Variants in DLEU7 observed in about 807,000 individuals in gnomAD.
DLEU7 encodes the protein leukemia-associated protein 7.
Under a neutral mutation model 16.0 loss-of-function variants are expected in DLEU7, and 17 were observed. That is an observed-to-expected ratio of 1.06 (90% CI 0.73 to 1.59). The LOEUF is 1.59. Among genes scored for constraint, DLEU7 ranks in the 40% most tolerant of loss-of-function variants. DLEU7 has a pLI of 0.00. For synonymous variants in DLEU7, 113 were observed against 139.8 expected (o/e 0.81, Z 1.35); for missense variants, 308 against 314.9 (o/e 0.98, Z 0.17).
At chr13:50,784,211 A>T (rs1342954734) in intron 1 of DLEU7, among the ~76,000 whole-genome samples, 1 of 152,240 alleles carries the variant, frequency 6.6e-6, no homozygotes, top group African/African-American at 2.4e-5. Context: ...TGGTGCAATC[A>T]TGAATTCACT....
At chr13:50,823,810 T>C (rs1876996448) in intron 1 of DLEU7, among the ~76,000 whole-genome samples, 1 of 152,192 alleles carries the variant, frequency 6.6e-6, no homozygotes, top group Non-Finnish European at 1.5e-5. Context: ...CTAAAGAGGA[T>C]CTGCTATCCT....
intron 1 of DLEU7, among the ~76,000 whole-genome samples, chr13:50,833,304 A>G (rs1396414970): frequency 2.0e-5 from 3 of 152,204 alleles, no homozygotes; most frequent in African/African-American, 4.8e-5. Flanking sequence ...AAACCCCATC[A>G]TCTCAGCCCA....
intron 1 of DLEU7, among the ~76,000 whole-genome samples, chr13:50,833,450 AG>A (rs1412762935): frequency 9.9e-5 from 15 of 152,250 alleles, no homozygotes; most frequent in African/African-American, 3.6e-4. Context: ...ATTGCAACAA[AG>A]AGAATAAAAT....
At chr13:50,765,582 A>G (rs1875078588) in intron 1 of DLEU7, among the ~76,000 whole-genome samples, 1 of 152,170 alleles carries the variant, frequency 6.6e-6, no homozygotes, top group African/African-American at 2.4e-5. Flanking sequence ...AAAGACAGAA[A>G]GGGCAAAGAA....
At chr13:50,713,101 G>T in exon 2 of DLEU7, 1 of 1,235,822 alleles carries the variant, frequency 8.1e-7, no homozygotes, top group Non-Finnish European at 1.2e-6. Flanking sequence ...GGCCAACAAC[G>T]TGGTAATAAG....
At chr13:50,803,571 G>A (rs1449640074) in intron 1 of DLEU7, among the ~76,000 whole-genome samples, 1 of 151,302 alleles carries the variant, frequency 6.6e-6, no homozygotes. Flanking sequence ...CAGATTTCTT[G>A]GAACAAAAAG....
chr13:50,735,664 GA>G (rs1345011612), intron 1 of DLEU7, among the ~76,000 whole-genome samples: 2 of 151,554 alleles, frequency 1.3e-5, no homozygotes, highest in African/African-American at 4.8e-5. Flanking sequence ...ACATTTACAA[GA>G]AAAAAACAAC....
intron 1 of DLEU7, among the ~76,000 whole-genome samples, chr13:50,759,465 A>G (rs905472304): frequency 2.0e-5 from 3 of 152,198 alleles, no homozygotes; most frequent in South Asian, 4.1e-4. Flanking sequence ...AAGACTTCAG[A>G]GGTCTATAGT....
chr13:50,823,506 A>C lies in DLEU7; in HGVS notation c.474T>G (p.Phe158Leu). 1 of 1,535,802 alleles carries C rather than the reference A, an allele frequency of 6.5e-7. No individual in the cohort carries two copies. Among genetic ancestry groups the C allele is most frequent in the Non-Finnish European group, 8.7e-7 (1 of 1,146,646 alleles). The change falls in exon 2 of 2, where the codon TTT (phenylalanine) becomes TTG (leucine). Residue 158 changes from phenylalanine to leucine, a missense_variant. Transcript: ENST00000504404. ...FPIHLKDSVE[F>L]RNICSHLALQ... ...GAGCCAAATGACTGCAGATGTTTCTAAACTCAACACTATCCTGAAATGAAC... is the reference window on the plus strand; with the variant it reads ...GAGCCAAATGACTGCAGATGTTTCTCAACTCAACACTATCCTGAAATGAAC...
At chr13:50,734,766 G>A (rs1413817510) in intron 1 of DLEU7, among the ~76,000 whole-genome samples, 1 of 152,052 alleles carries the variant, frequency 6.6e-6, no homozygotes, top group Non-Finnish European at 1.5e-5. Context: ...AATCCTAGAA[G>A]AAAATAATAG....
chr13:50,780,857 T>A (rs1168137355), intron 1 of DLEU7, among the ~76,000 whole-genome samples: 1 of 152,112 alleles, frequency 6.6e-6, no homozygotes, highest in African/African-American at 2.4e-5. Flanking sequence ...TGGGAGTCAG[T>A]AAGTGTGATA....
At chr13:50,736,941 A>G (rs542076115) in intron 1 of DLEU7, among the ~76,000 whole-genome samples, 1 of 152,266 alleles carries the variant, frequency 6.6e-6, no homozygotes, top group East Asian at 1.9e-4. Context: ...AACTTACATA[A>G]TGTGAAATCT....
At chr13:50,760,929 T>A (rs1318396498) in intron 1 of DLEU7, among the ~76,000 whole-genome samples, 2 of 152,002 alleles carry the variant, frequency 1.3e-5, no homozygotes, top group Non-Finnish European at 2.9e-5. Flanking sequence ...TTTGGGGCAA[T>A]GAAAATTTGT....
intron 1 of DLEU7, among the ~76,000 whole-genome samples, chr13:50,767,449 C>A (rs1483927577): frequency 9.2e-6 from 1 of 109,236 alleles, no homozygotes; most frequent in African/African-American, 4.0e-5. Flanking sequence ...GAGCGAGACT[C>A]CGTCTCAAAA....
At chr13:50,818,963 C>A (rs773620739), downstream of DLEU7, among the ~76,000 whole-genome samples, 11 of 152,264 alleles carry the variant, frequency 7.2e-5, no homozygotes, top group South Asian at 8.3e-4. Context: ...ACATCTGTTA[C>A]CATCTAAGGT....
intron 1 of DLEU7, among the ~76,000 whole-genome samples, chr13:50,746,968 CACAT>C (rs202045833): frequency 0.012 from 1,875 of 152,078 alleles, 21 homozygotes; most frequent in African/African-American, 0.035. Flanking sequence ...CACACACACA[CACAT>C]GTATAGAGTG....
chr13:50,722,938 A>G (rs1281706225), intron 1 of DLEU7, among the ~76,000 whole-genome samples: 1 of 152,178 alleles, frequency 6.6e-6, no homozygotes, highest in Admixed American at 6.5e-5. Flanking sequence ...CATTGATCTT[A>G]TTCAGATCTC....
intron 1 of DLEU7, among the ~76,000 whole-genome samples, chr13:50,722,716 T>A (rs933046545): frequency 6.6e-6 from 1 of 152,234 alleles, no homozygotes; most frequent in Non-Finnish European, 1.5e-5. Context: ...CAAGAATTCA[T>A]CCTCAAGTAC....
At chr13:50,804,522 C>T in intron 1 of DLEU7, among the ~76,000 whole-genome samples, 1 of 151,840 alleles carries the variant, frequency 6.6e-6, no homozygotes, top group East Asian at 1.9e-4. Context: ...CAGCTCACTG[C>T]AATCTCTGCC....
Sources: gnomAD v4.1 joint callset for allele counts (sites outside exome capture counted in the v4.1 genomes callset) on GRCh38, gnomAD v4.1.1 for gene constraint, MANE v1.5 for transcripts, NCBI Gene and HGNC (gene_info 2026-07-23, HGNC 2026-07-21) for gene names.